The following RPH3AL variants were observed in gnomAD, a reference collection of about 807,000 sequenced individuals.
The protein encoded by RPH3AL is rabphilin 3A like (without C2 domains).
A neutral mutation model predicts 43.1 loss-of-function variants in RPH3AL; 38 were observed. The observed-to-expected ratio is 0.88, with a 90% CI of 0.68 to 1.15. The LOEUF is 1.15. Ranked by LOEUF, RPH3AL falls within the 50% of genes most tolerant of loss-of-function variation. RPH3AL has a pLI of 0.00. For synonymous variants in RPH3AL, 189 were observed against 176.3 expected (o/e 1.07, Z -0.57); for missense variants, 462 against 423.2 (o/e 1.09, Z -0.81).
intron 6 of RPH3AL, among the ~76,000 whole-genome samples, chr17:269,455 G>A (rs915083801): frequency 6.6e-6 from 1 of 152,178 alleles, no homozygotes; most frequent in African/African-American, 2.4e-5. Flanking sequence ...TTTTCCAAGG[G>A]CCTCGAACAG....
Position 344,625 on chromosome 17 carries a change from C to T in RPH3AL, c.-213+8087G>A, listed in dbSNP as rs1191467558. Among the ~76,000 whole-genome samples, 2 of 134,082 alleles carry T rather than the reference C, an allele frequency of 1.5e-5. 1 individual carries two copies. Among genetic ancestry groups the T allele is most frequent in the Admixed American group, 1.4e-4 (2 of 13,960 alleles). 88.0% of individuals were successfully genotyped at this position (134,082 alleles called of 152,430 possible). A position where few individuals can be genotyped will look rare whatever the true frequency, so the allele number is the denominator to read the frequency against. ...CAATCAGCATCACCATCATCACTAT[C>T]ATCACAATCACTGTTACATCATCAC... On this transcript the variant is annotated intron_variant, in intron 1 of 9. Coordinates refer to ENST00000331302, the MANE Select transcript of RPH3AL (RefSeq NM_006987.4).
Position 318,948 on chromosome 17 carries a change from C to A in RPH3AL, c.351+472G>T, listed in dbSNP as rs547392249. Among the ~76,000 whole-genome samples the A allele has an allele frequency of 9.2e-5, 14 of 152,254 alleles. No individual in the cohort carries two copies. In the South Asian group the frequency reaches 2.7e-3, roughly 29 times the overall value. On this transcript the variant is annotated intron_variant, in intron 5 of 9. Transcript: ENST00000331302. ...AACTAAAAACATTTTTTCCTTGTTGCCTTCATATATTCTGGAGATGATAAC... is the reference window on the plus strand; with the variant it reads ...AACTAAAAACATTTTTTCCTTGTTGACTTCATATATTCTGGAGATGATAAC...
At chr17:335,507 A>T (rs1195250286) in intron 1 of RPH3AL, among the ~76,000 whole-genome samples, 1 of 152,128 alleles carries the variant, frequency 6.6e-6, no homozygotes. Context: ...GCCGGCCCGT[A>T]GACTGAGGAG....
intron 6 of RPH3AL, among the ~76,000 whole-genome samples, chr17:272,401 T>G (rs936726918): frequency 2.4e-4 from 37 of 152,024 alleles, no homozygotes; most frequent in African/African-American, 8.7e-4. Flanking sequence ...GTGGCACATA[T>G]ACACCATGGA....
intron 5 of RPH3AL, among the ~76,000 whole-genome samples, chr17:291,730 G>C (rs2043052749): frequency 6.6e-6 from 1 of 152,186 alleles, no homozygotes; most frequent in South Asian, 2.1e-4. Context: ...GATGTAAATA[G>C]AAAAGTGACG....
rs114245453 is a variant in RPH3AL, at chr17:332,661, C to G, written c.-37+1098G>C. On this transcript the variant is annotated intron_variant, in intron 2 of 9. Coordinates refer to ENST00000331302, the MANE Select transcript of RPH3AL (RefSeq NM_006987.4). ...ACAGCTGGACTCTAACCAGGCTCTG[C>G]GACTTGCTGACTCACAGGCCGTTTG... The G allele has an allele frequency of 2.8e-3, 632 of 229,740 alleles. 3 individuals are homozygous for G. The highest frequency in any genetic ancestry group is 0.013 in the African/African-American group (586 of 45,608). The allele number at this position is 229,740 out of a possible 1,614,324, so 14.2% of individuals were successfully genotyped here.
intron 6 of RPH3AL, among the ~76,000 whole-genome samples, chr17:263,720 G>A (rs1555547060): frequency 6.6e-6 from 1 of 152,190 alleles, no homozygotes; most frequent in African/African-American, 2.4e-5. Context: ...CTCAGGAAAG[G>A]AAAGGAATGC....
chr17:227,446 G>A (rs181441186), intron 7 of RPH3AL, among the ~76,000 whole-genome samples: 15 of 143,982 alleles, frequency 1.0e-4, no homozygotes, highest in African/African-American at 3.9e-4. Context: ...GCGTCATGCT[G>A]GCCGTGTGGC....
chr17:262,376 C>A (rs187808637), intron 6 of RPH3AL, among the ~76,000 whole-genome samples: 3 of 151,988 alleles, frequency 2.0e-5, no homozygotes, highest in Non-Finnish European at 4.4e-5. Context: ...CCACCAGGCC[C>A]GGCTAATTTT....
In RPH3AL at chr17:230,380, C is replaced by T. The variant is rs544945823; in HGVS notation, c.614-10644G>A. Among the ~76,000 whole-genome samples the T allele has an allele frequency of 2.6e-5, 4 of 152,292 alleles. No homozygotes were observed. In the South Asian group the frequency reaches 8.3e-4, roughly 32 times the overall value. On this transcript the variant is annotated intron_variant, in intron 7 of 9. Transcript: ENST00000331302. ...GGATGGACGGAAGAAGAGATCGGCT[C>T]CCTCCAGAGAGAACGCGAAGTGCGG...
rs370257546 is a variant in RPH3AL at position 321,235 on chromosome 17, C to A, written c.221+37G>T. ...CCCTGCGCTTGCGCCAAAGCCCTTG[C>A]TGTCCTCCCACTGAGCTGGCCCCGG... On this transcript the variant is annotated intron_variant, in intron 4 of 9. Transcript: ENST00000331302. The A allele has an allele frequency of 8.5e-5, 135 of 1,588,992 alleles. 1 individual carries two copies. In the South Asian group the frequency reaches 1.4e-3, roughly 16 times the overall value.
chr17:311,229 C>T (rs1452797543), intron 5 of RPH3AL, among the ~76,000 whole-genome samples: 1 of 152,174 alleles, frequency 6.6e-6, no homozygotes, highest in Non-Finnish European at 1.5e-5. Flanking sequence ...GGAGCATGCC[C>T]CGTCCCTCCT....
chr17:246,385 C>A lies in RPH3AL; in HGVS notation c.613+726G>T, dbSNP rs1473896354. Among the ~76,000 whole-genome samples the A allele has an allele frequency of 6.6e-6, 1 of 152,146 alleles. No individual in the cohort carries two copies. The highest frequency in any genetic ancestry group is 1.9e-4 in the East Asian group (1 of 5,188). On this transcript the variant is annotated intron_variant, in intron 7 of 9. Transcript: ENST00000331302. This position sits in a 1 kb window ranked among gnomAD's most constrained non-coding sequence, Gnocchi z 4.8. ...ACCCAGATGCCAGAGAGGGTAAGAG[C>A]CTGCCCTTGGATCCCAGCTCGGCCA...
intron 6 of RPH3AL, 93 bp from the exon 7 acceptor site, chr17:247,378 A>G: frequency 3.1e-6 from 4 of 1,309,322 alleles, no homozygotes; most frequent in Admixed American, 2.9e-5. Flanking sequence ...GGACGCGGAG[A>G]GCTAGGAGCA....
intron 7 of RPH3AL, among the ~76,000 whole-genome samples, chr17:241,713 TTTTTTTTC>T: frequency 1.0e-5 from 1 of 97,284 alleles, no homozygotes; most frequent in South Asian, 4.3e-4. Context: ...TTCTTTTTCT[TTTTTTTTC>T]TTTTTTTTTT....
chr17:329,641 A>C (rs781602484), intron 2 of RPH3AL, among the ~76,000 whole-genome samples: 17 of 152,388 alleles, frequency 1.1e-4, no homozygotes, highest in Non-Finnish European at 1.3e-4. Context: ...TACATATTTT[A>C]TGAAAAACTA....
chr17:286,223 G>C (rs2042907661), intron 5 of RPH3AL, among the ~76,000 whole-genome samples: 1 of 152,212 alleles, frequency 6.6e-6, no homozygotes, highest in East Asian at 1.9e-4. Flanking sequence ...TCTGGGGACA[G>C]GAGCAGCGTG....
intron 5 of RPH3AL, among the ~76,000 whole-genome samples, chr17:314,443 C>T (rs1262143963): frequency 6.6e-6 from 1 of 150,880 alleles, no homozygotes; most frequent in South Asian, 2.1e-4. Flanking sequence ...TCTGCCCCCA[C>T]CTCCATTGAC....
At chr17:238,422 GAGA>G (rs34932995) in intron 7 of RPH3AL, among the ~76,000 whole-genome samples, 13,650 of 152,228 alleles carry the variant, frequency 0.09, 744 homozygotes, top group Admixed American at 0.13. Context: ...GGAGGTTGAA[GAGA>G]AGAAGCCGCA....
Sources: allele counts gnomAD v4.1 joint callset (sites outside exome capture counted in the v4.1 genomes callset), GRCh38; gene constraint gnomAD v4.1.1; non-coding constraint Gnocchi (gnomAD v3.1); transcripts MANE v1.5; gene names NCBI Gene and HGNC (gene_info 2026-07-23, HGNC 2026-07-21).